The following BBS7 variants were observed in gnomAD, a reference collection of about 807,000 sequenced individuals.
BBS7 encodes BBSome complex member BBS7.
In BBS7, 50 loss-of-function variants were observed where a neutral mutation model predicts 90.3. That is an observed-to-expected ratio of 0.55 (90% CI 0.44 to 0.70). The LOEUF is 0.70. BBS7 is among the 30% of genes least tolerant of loss of function. The pLI is 0.00. For synonymous variants in BBS7, 235 were observed against 287.4 expected, an observed-to-expected ratio of 0.82 and a Z score of 1.85; for missense variants, 729 against 838.9, an observed-to-expected ratio of 0.87 and a Z score of 1.62.
At chr4:121,850,501 G>A (rs1337192897) in intron 8 of BBS7, among the ~76,000 whole-genome samples, 1 of 151,984 alleles carries the variant, frequency 6.6e-6, no homozygotes, top group Non-Finnish European at 1.5e-5. Context: ...CTAGGTAAGC[G>A]GCTTTCAAGC....
At chr4:121,839,586 A>C in intron 13 of BBS7, 45 bp downstream of exon 13, 2 of 1,463,720 alleles carry the variant, frequency 1.4e-6, no homozygotes. Context: ...AGCAGGAAAA[A>C]GGAAATTCAA....
intron 9 of BBS7, 111 bp downstream of exon 9, chr4:121,848,733 G>C: frequency 3.6e-6 from 3 of 826,808 alleles, no homozygotes; most frequent in Non-Finnish European, 5.9e-6. Context: ...CCATGAATAA[G>C]GGGGGACTAC....
chr4:121,866,095 T>C (rs1257682475), intron 2 of BBS7, among the ~76,000 whole-genome samples: 1 of 152,194 alleles, frequency 6.6e-6, no homozygotes, highest in Non-Finnish European at 1.5e-5. Context: ...TATGTTTGAG[T>C]TCCTTGTATA....
chr4:121,857,888 C>T (rs1328196451), intron 5 of BBS7, among the ~76,000 whole-genome samples: 1 of 148,072 alleles, frequency 6.8e-6, no homozygotes, highest in East Asian at 2.0e-4. Context: ...CTCACCGCAA[C>T]CTCCGCCTCC....
chr4:121,825,619 T>C lies in BBS7; in HGVS notation c.*241A>G. On this transcript the variant is annotated 3_prime_UTR_variant, in exon 19 of 19. Coordinates refer to ENST00000264499, the MANE Select transcript of BBS7 (RefSeq NM_176824.3). ...AAAACAGCCACTTGCCAAAAATTCA[T>C]TAAAATCCTATTTAAATCATTCTAC... The C allele has an allele frequency of 5.3e-6, 2 of 380,900 alleles. No homozygotes were observed. The highest frequency in any genetic ancestry group is 9.2e-6 in the Non-Finnish European group (2 of 216,224). 23.6% of individuals were successfully genotyped at this position (380,900 alleles called of 1,614,324 possible).
intron 12 of BBS7, among the ~76,000 whole-genome samples, chr4:121,841,628 T>C (rs994208918): frequency 6.6e-6 from 1 of 152,156 alleles, no homozygotes; most frequent in African/African-American, 2.4e-5. Flanking sequence ...CAAGTTATTA[T>C]ACTAGTCTTT....
chr4:121,851,640 T>C (rs1726327502), intron 8 of BBS7, among the ~76,000 whole-genome samples: 1 of 152,196 alleles, frequency 6.6e-6, no homozygotes, highest in Non-Finnish European at 1.5e-5. Context: ...AAGTTTAAGT[T>C]AAAATGCAAT....
At chr4:121,858,369 AGT>A (rs56144001) in intron 5 of BBS7, among the ~76,000 whole-genome samples, 117,331 of 150,390 alleles carry the variant, frequency 0.78, 45,982 homozygotes, top group African/African-American at 0.87. Context: ...CATCCTATAG[AGT>A]GTGTGTGTGT....
In BBS7 at chr4:121,824,902, A is replaced by G. The variant is rs1179748112; in HGVS notation, c.*958T>C. On this transcript the variant is annotated 3_prime_UTR_variant, in exon 19 of 19. Transcript: ENST00000264499. This position sits in a 1 kb window ranked among gnomAD's most constrained non-coding sequence, Gnocchi z 4.1. ...CTGCCCTTCTTGAAACATAAAGCTT[A>G]TTTTCCATTATCTGTATGCCATTTT... 1 of 152,084 alleles carries G rather than the reference A, an allele frequency of 6.6e-6. No homozygotes were observed. The highest frequency in any genetic ancestry group is 2.4e-5 in the African/African-American group (1 of 41,408). 9.4% of individuals were successfully genotyped at this position (152,084 alleles called of 1,614,324 possible). A position where few individuals can be genotyped will look rare whatever the true frequency, so the allele number is the denominator to read the frequency against.
intron 5 of BBS7, 92 bp from the exon 6 acceptor site, chr4:121,855,653 C>G: frequency 9.0e-7 from 1 of 1,113,992 alleles, no homozygotes. Flanking sequence ...ATACAGTACT[C>G]TTAGTAACAC....
At chr4:121,867,954 G>A in intron 2 of BBS7, 27 bp downstream of exon 2, 1 of 1,578,338 alleles carries the variant, frequency 6.3e-7, no homozygotes, top group Non-Finnish European at 8.7e-7. Context: ...CTAGGGAATA[G>A]TGGAGAAATC....
At chr4:121,867,645 TTAA>T (rs1727359326) in intron 2 of BBS7, among the ~76,000 whole-genome samples, 1 of 152,192 alleles carries the variant, frequency 6.6e-6, no homozygotes, top group Non-Finnish European at 1.5e-5. Context: ...TTTAATGACT[TTAA>T]AATATGAGAA....
chr4:121,831,499 G>A lies in BBS7; in HGVS notation c.1676+1732C>T, dbSNP rs57982206. Among the ~76,000 whole-genome samples the A allele has an allele frequency of 3.5e-3, 533 of 150,696 alleles. 2 individuals are homozygous for A. The highest frequency in any genetic ancestry group is 0.012 in the African/African-American group (515 of 41,302). On this transcript the variant is annotated intron_variant, in intron 15 of 18. Transcript: ENST00000264499. ...AGTAGCTATTAAGTTGGACCTTAAA[G>A]GATAAACAGTTTTGAATCTTAAGAA... is the stretch of plus-strand genomic sequence containing the variant.
Position 121,863,294 on chromosome 4 carries a change from A to C in BBS7, c.103-15T>G, listed in dbSNP as rs368818439. Reference sequence around the variant, plus strand: ...CCAATAACCACCTGTAATAGATGGAAGATAATCTAAAATTACTATTATTAA... The same window carrying C: ...CCAATAACCACCTGTAATAGATGGACGATAATCTAAAATTACTATTATTAA... On this transcript the variant is annotated splice_polypyrimidine_tract_variant and intron_variant, in intron 2 of 18. Coordinates refer to ENST00000264499, the MANE Select transcript of BBS7 (RefSeq NM_176824.3). The C allele has an allele frequency of 3.8e-6, 6 of 1,599,024 alleles. No homozygotes were observed. Among genetic ancestry groups the C allele is most frequent in the Non-Finnish European group, 5.1e-6 (6 of 1,167,134 alleles).
At chr4:121,833,469 C>A in intron 14 of BBS7, 74 bp from the exon 15 acceptor site, 1 of 1,350,238 alleles carries the variant, frequency 7.4e-7, no homozygotes. Context: ...CGTTAATAAG[C>A]AGAATTTTGT....
In BBS7 at chr4:121,825,746, T is replaced by G; in HGVS notation, c.*114A>C. On this transcript the variant is annotated 3_prime_UTR_variant, in exon 19 of 19. Coordinates refer to ENST00000264499, the MANE Select transcript of BBS7 (RefSeq NM_176824.3). Reference sequence around the variant, plus strand: ...AAAAGCCATTATATCTCAAATATTTTTAGATATAAAAAAGCATTTGAAATT... The same window carrying G: ...AAAAGCCATTATATCTCAAATATTTGTAGATATAAAAAAGCATTTGAAATT... 2.4e-5 allele frequency: 25 copies of G among 1,039,538 alleles called. No homozygotes were observed. Among genetic ancestry groups the G allele is most frequent in the Non-Finnish European group, 3.3e-5 (24 of 738,114 alleles). 64.4% of individuals were successfully genotyped at this position (1,039,538 alleles called of 1,614,324 possible). A position where few individuals can be genotyped will look rare whatever the true frequency, so the allele number is the denominator to read the frequency against.
intron 1 of BBS7, among the ~76,000 whole-genome samples, chr4:121,869,624 C>T (rs1018396801): frequency 2.6e-5 from 4 of 152,114 alleles, no homozygotes; most frequent in African/African-American, 9.7e-5. Context: ...CTGCAGCCTC[C>T]GCCTCCCGAG....
chr4:121,832,984 A>G (rs1284295080), intron 15 of BBS7, among the ~76,000 whole-genome samples: 2 of 152,288 alleles, frequency 1.3e-5, no homozygotes, highest in East Asian at 3.9e-4. Context: ...CTCTTTTTAA[A>G]TAATTTATTT....
chr4:121,842,717 T>G (rs1246398992), intron 12 of BBS7, among the ~76,000 whole-genome samples: 5 of 152,088 alleles, frequency 3.3e-5, no homozygotes, highest in Non-Finnish European at 7.4e-5. Flanking sequence ...AAATAAAATA[T>G]ATATTAATAT....
Sources: gnomAD v4.1 joint callset for allele counts (sites outside exome capture counted in the v4.1 genomes callset) on GRCh38, gnomAD v4.1.1 for gene constraint, Gnocchi (gnomAD v3.1) non-coding constraint, MANE v1.5 for transcripts, NCBI Gene and HGNC (gene_info 2026-07-23, HGNC 2026-07-21) for gene names.